RAB12: variants seen among roughly 807,000 people sequenced by gnomAD.
The protein encoded by RAB12 is ras-related protein Rab-12.
A neutral mutation model predicts 28.4 loss-of-function variants in RAB12; 11 were observed. That is an observed-to-expected ratio of 0.39 (90% CI 0.24 to 0.64). The LOEUF is 0.64. Among genes scored for constraint, RAB12 ranks in the 30% least tolerant of loss-of-function variants. RAB12 has a pLI of 0.50. For missense variants in RAB12, 276 were observed against 351.1 expected (o/e 0.79, Z 1.71); for synonymous variants, 138 against 145.3 (o/e 0.95, Z 0.36).
At position 8,639,221 on chromosome 18, in the gene RAB12, C is replaced by A. The variant is rs2096021051; in HGVS notation, c.*959C>A. Reference sequence around the variant, plus strand: ...CTGATGATGAATTTGTGAACTCTATCTTTGGTATATCTTTTATTAAACTGC... The same window carrying A: ...CTGATGATGAATTTGTGAACTCTATATTTGGTATATCTTTTATTAAACTGC... On this transcript the variant is annotated 3_prime_UTR_variant, in exon 6 of 6. Coordinates refer to ENST00000649141, the MANE Select transcript of RAB12 (RefSeq NM_001025300.3). The A allele has an allele frequency of 4.8e-5, 3 of 62,778 alleles. No homozygotes were observed. The highest frequency in any genetic ancestry group is 9.1e-5 in the Non-Finnish European group (3 of 32,964). The allele number at this position is 62,778 out of a possible 1,614,324, so 3.9% of individuals were successfully genotyped here.
intron 1 of RAB12, among the ~76,000 whole-genome samples, chr18:8,614,568 A>T (rs1391390053): frequency 1.3e-5 from 2 of 151,450 alleles, no homozygotes; most frequent in Non-Finnish European, 2.9e-5. Context: ...ACCACAGTTT[A>T]AAAGTTTTTT....
At position 8,638,128 on chromosome 18, in the gene RAB12, T is replaced by G. The variant is rs77888227; in HGVS notation, c.910-21T>G. 0.044 allele frequency: 68,781 copies of G among 1,546,426 alleles called. 2,068 individuals carry two copies. Among genetic ancestry groups the G allele is most frequent in the Admixed American group, 0.12 (6,944 of 59,466 alleles). On this transcript the variant is annotated intron_variant, in intron 5 of 5. Coordinates refer to ENST00000649141, the MANE Select transcript of RAB12 (RefSeq NM_001025300.3). The stretch of plus-strand genomic sequence containing the variant: ...CCTTGTAAAGTTAAAACGGATTTTT[T>G]TTTGTTTGTTTATACGTTAGATGCC...
At chr18:8,625,314 C>G (rs536178339) in intron 2 of RAB12, among the ~76,000 whole-genome samples, 14 of 152,302 alleles carry the variant, frequency 9.2e-5, no homozygotes, top group African/African-American at 2.9e-4. Flanking sequence ...AATGATTGCT[C>G]AAATGTTTGT....
chr18:8,610,025 C>T, intron 1 of RAB12, 72 bp downstream of exon 1: 1 of 1,161,334 alleles, frequency 8.6e-7, no homozygotes, highest in Non-Finnish European at 1.3e-6. Flanking sequence ...CCGTGGGCTT[C>T]GAGTCTCATC....
At chr18:8,624,684 C>T (rs535248323) in intron 1 of RAB12, among the ~76,000 whole-genome samples, 57 of 152,292 alleles carry the variant, frequency 3.7e-4, no homozygotes, top group Non-Finnish European at 6.6e-4. Flanking sequence ...GTGTTATGAA[C>T]AGCAAATACT....
chr18:8,626,337 T>G (rs969105370), intron 2 of RAB12, among the ~76,000 whole-genome samples: 2 of 152,244 alleles, frequency 1.3e-5, no homozygotes, highest in African/African-American at 4.8e-5. Context: ...CTGTTCCTAG[T>G]ACCTGTGTGA....
At chr18:8,624,604 T>C (rs1259944245) in intron 1 of RAB12, among the ~76,000 whole-genome samples, 3 of 152,226 alleles carry the variant, frequency 2.0e-5, no homozygotes, top group Non-Finnish European at 2.9e-5. Context: ...TAAAGCCACT[T>C]ATTTGTTGAT....
At chr18:8,630,876 GTTTGTT>G (rs147933065) in intron 2 of RAB12, among the ~76,000 whole-genome samples, 3,861 of 152,214 alleles carry the variant, frequency 0.025, 72 homozygotes, top group South Asian at 0.074. Context: ...GCCAATTCTG[GTTTGTT>G]TTTGTTTTTG....
intron 1 of RAB12, among the ~76,000 whole-genome samples, chr18:8,617,753 C>T (rs919036501): frequency 5.3e-5 from 8 of 152,202 alleles, no homozygotes; most frequent in African/African-American, 1.7e-4. Flanking sequence ...GGGAGGAGCA[C>T]AGCCGGGAGC....
At chr18:8,622,843 C>G (rs373942922) in intron 1 of RAB12, among the ~76,000 whole-genome samples, 4 of 152,194 alleles carry the variant, frequency 2.6e-5, no homozygotes, top group East Asian at 1.9e-4. Flanking sequence ...GACCTACCCC[C>G]AGGCGAGTAT....
intron 3 of RAB12, among the ~76,000 whole-genome samples, chr18:8,634,770 C>T (rs1000727188): frequency 8.5e-5 from 13 of 152,214 alleles, no homozygotes; most frequent in Admixed American, 8.5e-4. Flanking sequence ...CCTCACCTGG[C>T]TGCGTAACTG....
At chr18:8,629,278 CTT>C (rs2096014575) in intron 2 of RAB12, among the ~76,000 whole-genome samples, 2 of 152,318 alleles carry the variant, frequency 1.3e-5, no homozygotes, top group African/African-American at 4.8e-5. Context: ...TTCATTGACT[CTT>C]TATGGAAACC....
In RAB12 at chr18:8,639,151, T is replaced by G. The variant is rs1598315843; in HGVS notation, c.*889T>G. The G allele has an allele frequency of 1.3e-5, 1 of 79,184 alleles. No individual in the cohort carries two copies. Among genetic ancestry groups the G allele is most frequent in the East Asian group, 3.1e-4 (1 of 3,208 alleles). 4.9% of individuals were successfully genotyped at this position (79,184 alleles called of 1,614,324 possible). A position where few individuals can be genotyped will look rare whatever the true frequency, so the allele number is the denominator to read the frequency against. ...TGATTAAGCCTAGACTGTGTTCTTT[T>G]TTTTTTTTTTTTTTTTTTTTTTTTT... On this transcript the variant is annotated 3_prime_UTR_variant, in exon 6 of 6. Coordinates refer to ENST00000649141, the MANE Select transcript of RAB12 (RefSeq NM_001025300.3).
intron 1 of RAB12, among the ~76,000 whole-genome samples, chr18:8,612,934 C>T (rs1033669523): frequency 1.3e-5 from 2 of 152,198 alleles, no homozygotes. Flanking sequence ...AGATTACAGG[C>T]GTAAGCCACT....
At position 8,609,686 on chromosome 18, in the gene RAB12, G is replaced by A. The variant is rs2096002555; in HGVS notation, c.247G>A (p.Gly83Ser). 2.1e-6 allele frequency: 2 copies of A among 933,404 alleles called. No homozygotes were observed. Among genetic ancestry groups the A allele is most frequent in the African/African-American group, 3.6e-5 (2 of 55,482 alleles). The allele number at this position is 933,404 out of a possible 1,614,324, so 57.8% of individuals were successfully genotyped here. The change falls in exon 1 of 6, where the codon GGC becomes AGC. Residue 83 changes from glycine (G) to serine (S), a missense_variant. Gly to Ser is a moderately conservative substitution (Grantham distance 56). Transcript: ENST00000649141. ...GCCCGGGGCGCGCAGCCGGGGGGCGGGCGGCGGCGGGCGGCGGGCCGAGCG... is the reference window on the plus strand; with the variant it reads ...GCCCGGGGCGCGCAGCCGGGGGGCGAGCGGCGGCGGGCGGCGGGCCGAGCG... Reference protein sequence around the residue: ...PGPGARSRGAGGGGRRAEREP... With the variant: ...PGPGARSRGASGGGRRAEREP...
In RAB12 at chr18:8,635,672, A is replaced by G. The variant is rs762992417; in HGVS notation, c.804+50A>G. 35 of 1,147,204 alleles carry G rather than the reference A, an allele frequency of 3.1e-5. No individual in the cohort carries two copies. The Admixed American group carries it at 5.5e-4, about 18-fold the overall frequency. 71.1% of individuals were successfully genotyped at this position (1,147,204 alleles called of 1,614,324 possible). A position where few individuals can be genotyped will look rare whatever the true frequency, so the allele number is the denominator to read the frequency against. On this transcript the variant is annotated intron_variant, in intron 4 of 5. Coordinates refer to ENST00000649141, the MANE Select transcript of RAB12 (RefSeq NM_001025300.3). Reference sequence around the variant, plus strand: ...TGCCACACACTGTGCTTAGCGCTTGAGGTACTGTTTCTTTTAATAAATTAC... The same window carrying G: ...TGCCACACACTGTGCTTAGCGCTTGGGGTACTGTTTCTTTTAATAAATTAC...
intron 2 of RAB12, among the ~76,000 whole-genome samples, chr18:8,630,919 C>T (rs1211552139): frequency 6.6e-6 from 1 of 152,224 alleles, no homozygotes; most frequent in African/African-American, 2.4e-5. Flanking sequence ...TGGAGTCTTG[C>T]TCTCTGTCCC....
chr18:8,612,170 G>A (rs913073403), intron 1 of RAB12, among the ~76,000 whole-genome samples: 2 of 152,202 alleles, frequency 1.3e-5, no homozygotes, highest in Admixed American at 6.5e-5. Context: ...CTGCGTGACC[G>A]CTTGTCAGGG....
intron 2 of RAB12, among the ~76,000 whole-genome samples, chr18:8,629,039 GA>G (rs1214896881): frequency 2.0e-5 from 3 of 152,114 alleles, no homozygotes; most frequent in Non-Finnish European, 4.4e-5. Flanking sequence ...TTTCAGAGTA[GA>G]AAAAATGCTT....
Sources: gnomAD v4.1 joint callset for allele counts (sites outside exome capture counted in the v4.1 genomes callset) on GRCh38, gnomAD v4.1.1 for gene constraint, MANE v1.5 for transcripts, NCBI Gene and HGNC (gene_info 2026-07-23, HGNC 2026-07-21) for gene names.